The following SLC22A16 variants were observed in gnomAD, a reference collection of about 807,000 sequenced individuals.
The protein encoded by SLC22A16 is WUGSC:RG331P03.1.
SLC22A16 carries 53 observed loss-of-function variants against 52.9 expected under a neutral mutation model. The observed-to-expected ratio is 1.00, with a 90% CI of 0.80 to 1.26. SLC22A16 has a LOEUF of 1.26. Among genes scored for constraint, SLC22A16 ranks in the 50% most tolerant of loss-of-function variants. SLC22A16 has a pLI of 0.00. For missense variants in SLC22A16, 726 were observed against 704.0 expected, an observed-to-expected ratio of 1.03 and a Z score of -0.35; for synonymous variants, 291 against 268.8, an observed-to-expected ratio of 1.08 and a Z score of -0.81.
At chr6:110,454,821 A>C (rs1351427787) in intron 2 of SLC22A16, among the ~76,000 whole-genome samples, 1 of 64,262 alleles carries the variant, frequency 1.6e-5, no homozygotes, top group Non-Finnish European at 2.7e-5. Context: ...TATATATGTT[A>C]TATTATATAA....
rs1253947301 is a variant in SLC22A16 at position 110,471,404 on chromosome 6, T to A, written c.53+5118A>T. Among the ~76,000 whole-genome samples the A allele has an allele frequency of 2.0e-5, 3 of 152,344 alleles. No homozygotes were observed. In the East Asian group the frequency reaches 5.8e-4, roughly 29 times the overall value. ...GAACTTCTCAGAAGTATCTCTGTCG[T>A]TAAGCAAAATATAACCCTACCCTAA... On this transcript the variant is annotated intron_variant, in intron 1 of 7. Transcript: ENST00000368919.
At chr6:110,472,301 C>A (rs1347394246) in intron 1 of SLC22A16, among the ~76,000 whole-genome samples, 1 of 152,168 alleles carries the variant, frequency 6.6e-6, no homozygotes, top group Non-Finnish European at 1.5e-5. Flanking sequence ...CCTGCCCACA[C>A]TCCCACTCTC....
At chr6:110,450,809 C>T (rs1775350064) in intron 2 of SLC22A16, among the ~76,000 whole-genome samples, 1 of 151,952 alleles carries the variant, frequency 6.6e-6, no homozygotes, top group East Asian at 1.9e-4. Flanking sequence ...AATCAAATGC[C>T]TAGAAATCAC....
chr6:110,466,911 T>TGATAGATAGATAGATA (rs3045569), intron 1 of SLC22A16, among the ~76,000 whole-genome samples: 173 of 140,666 alleles, frequency 1.2e-3, no homozygotes, highest in East Asian at 3.6e-3. Flanking sequence ...AAAGAAAATG[T>TGATAGATAGATAGATA]GATAGATAGA....
In SLC22A16 at chr6:110,456,527, T is replaced by C. The variant is rs376781071; in HGVS notation, c.533+11A>G. ...TACACTGATACAACAATCCTAAATA[T>C]TTGATTTTACCTGTCAGAAAAGTAG... On this transcript the variant is annotated intron_variant, in intron 2 of 7. Transcript: ENST00000368919. The C allele has an allele frequency of 2.7e-5, 43 of 1,612,626 alleles. No individual in the cohort carries two copies. The highest frequency in any genetic ancestry group is 3.6e-5 in the Non-Finnish European group (42 of 1,179,020).
chr6:110,442,762 T>G lies in SLC22A16; in HGVS notation c.665A>C (p.Tyr222Ser), dbSNP rs780647271. The G allele has an allele frequency of 2.5e-6, 4 of 1,612,194 alleles. No individual in the cohort carries two copies. Among genetic ancestry groups the G allele is most frequent in the Middle Eastern group, 1.6e-4 (1 of 6,064 alleles). ...CACATAGACAAACCCCACCACAAGA[T>G]AGCCACTTGCAACCTGAAAAACAAA... Reference protein sequence around the residue: ...RFFLAMVASGYLVVGFVYVME... With the variant: ...RFFLAMVASGSLVVGFVYVME... Residue 222 changes from tyrosine to serine, a missense_variant, in exon 4 of 8, where the codon TAT (tyrosine) becomes TCT (serine). Transcript: ENST00000368919.
intron 1 of SLC22A16, among the ~76,000 whole-genome samples, chr6:110,462,329 T>C (rs1399428697): frequency 6.6e-6 from 1 of 152,180 alleles, no homozygotes; most frequent in African/African-American, 2.4e-5. Context: ...CAAACATTAC[T>C]AGCTCTCTAG....
intron 7 of SLC22A16, among the ~76,000 whole-genome samples, 166 bp downstream of exon 7, chr6:110,431,005 C>A (rs1774476675): frequency 1.3e-5 from 2 of 152,240 alleles, no homozygotes; most frequent in South Asian, 4.1e-4. Flanking sequence ...CAGCAGCCAC[C>A]ACCCTACTCA....
At chr6:110,427,231 G>C (rs904181432) in intron 7 of SLC22A16, among the ~76,000 whole-genome samples, 1 of 131,694 alleles carries the variant, frequency 7.6e-6, no homozygotes, top group Admixed American at 8.7e-5. Context: ...CTCAGTGACA[G>C]AGTGAGACCC....
chr6:110,466,154 C>T (rs115693238), intron 1 of SLC22A16, among the ~76,000 whole-genome samples: 1 of 152,034 alleles, frequency 6.6e-6, no homozygotes, highest in East Asian at 1.9e-4. Context: ...GAATTAAAGG[C>T]CTAAATGTAA....
In SLC22A16 at chr6:110,443,508, T is replaced by G. The variant is rs952626308; in HGVS notation, c.652-733A>C. Among the ~76,000 whole-genome samples the G allele has an allele frequency of 1.1e-3, 164 of 152,080 alleles. 4 individuals carry two copies. Among genetic ancestry groups the G allele is most frequent in the Non-Finnish European group, 1.8e-4 (12 of 68,006 alleles). On this transcript the variant is annotated intron_variant, in intron 3 of 7. Transcript: ENST00000368919. ...ACAAAGAGATACCCCCTCATACACA[T>G]TAGTGTGGCTAATTAAAAAAAAAAA...
rs748769809 is a variant in SLC22A16 at position 110,456,791 on chromosome 6, C to T, written c.280G>A (p.Glu94Lys). ...DYVTVQLQNG[E>K]IWELSRCSRN... ...CTACACCTTGAGAGCTCCCAGATCT[C>T]ACCATTCTGCAACTGCACCGTAACA... Residue 94 changes from glutamate to lysine, a missense_variant, in exon 2 of 8, where the codon GAG becomes AAG. Glu to Lys is a moderately conservative substitution (Grantham distance 56, BLOSUM62 1). Coordinates refer to ENST00000368919, the MANE Select transcript of SLC22A16 (RefSeq NM_033125.4). 1 of 1,614,210 alleles carries T rather than the reference C, an allele frequency of 6.2e-7. No individual in the cohort carries two copies. Among genetic ancestry groups the T allele is most frequent in the South Asian group, 1.1e-5 (1 of 91,078 alleles).
intron 4 of SLC22A16, among the ~76,000 whole-genome samples, chr6:110,439,499 A>T (rs1322170791): frequency 6.6e-6 from 1 of 151,272 alleles, no homozygotes; most frequent in African/African-American, 2.5e-5. Flanking sequence ...TGCTTCAAAA[A>T]AAAGAGTAAA....
Position 110,435,584 on chromosome 6 carries a change from A to G in SLC22A16, c.1421+268T>C, listed in dbSNP as rs1582527963. Among the ~76,000 whole-genome samples, 3 of 152,358 alleles carry G rather than the reference A, an allele frequency of 2.0e-5. No homozygotes were observed. In the South Asian group the frequency reaches 6.2e-4, roughly 32 times the overall value. On this transcript the variant is annotated intron_variant, in intron 6 of 7. Coordinates refer to ENST00000368919, the MANE Select transcript of SLC22A16 (RefSeq NM_033125.4). ...CCTGAGAAATTACCTTTGAGTCAAT[A>G]CAGAGACTCAGTGGAAGTCTATGGT...
chr6:110,442,494 CATG>C lies in SLC22A16; in HGVS notation c.930_932del (p.Ile310del). ...AGGAGCTTGCCCTGTTCCACTTGGC[CATG>C]ATGTCAACTATTTTTTGTGCTTCTT... On this transcript the variant is annotated inframe_deletion, in exon 4 of 8. Transcript: ENST00000368919. 1.2e-6 allele frequency: 2 copies of C among 1,614,176 alleles called. No homozygotes were observed. Among genetic ancestry groups the C allele is most frequent in the Non-Finnish European group, 1.7e-6 (2 of 1,180,022 alleles).
At chr6:110,441,579 G>T (rs1774965595) in intron 4 of SLC22A16, among the ~76,000 whole-genome samples, 1 of 152,222 alleles carries the variant, frequency 6.6e-6, no homozygotes, top group African/African-American at 2.4e-5. Flanking sequence ...CATTTTGCTT[G>T]TTAGCTTTCT....
chr6:110,448,490 C>G (rs930034630), intron 2 of SLC22A16, among the ~76,000 whole-genome samples: 2 of 152,134 alleles, frequency 1.3e-5, no homozygotes, highest in African/African-American at 4.8e-5. Flanking sequence ...CTGGAGAGTC[C>G]AACCAACAGA....
chr6:110,437,283 T>C (rs2114916974), intron 5 of SLC22A16, among the ~76,000 whole-genome samples: 1 of 152,326 alleles, frequency 6.6e-6, no homozygotes, highest in African/African-American at 2.4e-5. Flanking sequence ...GAAATCTCCA[T>C]CAGCCTCTTT....
chr6:110,470,123 T>C (rs1040072751), intron 1 of SLC22A16, among the ~76,000 whole-genome samples: 16 of 152,266 alleles, frequency 1.1e-4, no homozygotes, highest in Admixed American at 1.0e-3. Context: ...TGGCTTGTGG[T>C]GGGCCAGCAT....
Sources: gnomAD v4.1 joint callset for allele counts (sites outside exome capture counted in the v4.1 genomes callset) on GRCh38, gnomAD v4.1.1 for gene constraint, MANE v1.5 for transcripts, NCBI Gene and HGNC (gene_info 2026-07-23, HGNC 2026-07-21) for gene names.